Variants in PCDHA3 observed in about 807,000 individuals in gnomAD.
The protein encoded by PCDHA3 is protocadherin alpha-3.
PCDHA3 carries 41 observed loss-of-function variants against 62.2 expected under a neutral mutation model. That is an observed-to-expected ratio of 0.66 (90% CI 0.51 to 0.86). The LOEUF (loss-of-function observed/expected upper bound fraction) is 0.86, where lower values mean the gene tolerates loss of function less well. Among genes scored for constraint, PCDHA3 ranks in the 40% least tolerant of loss-of-function variants. PCDHA3 has a pLI of 0.00. For synonymous variants in PCDHA3, 640 were observed against 555.4 expected (o/e 1.15, Z -2.14); for missense variants, 1,304 against 1,241.2 (o/e 1.05, Z -0.76).
chr5:140,882,054 C>T, intron 1 of PCDHA3: 1 of 781,668 alleles, frequency 1.3e-6, no homozygotes. Context: ...CATACTTACA[C>T]TTACACGTTC....
intron 1 of PCDHA3, among the ~76,000 whole-genome samples, chr5:140,892,616 G>C (rs781995267): frequency 6.6e-6 from 1 of 151,910 alleles, no homozygotes; most frequent in Non-Finnish European, 1.5e-5. Flanking sequence ...TTTATTTCCA[G>C]TTGGTACATA....
At chr5:140,809,069 A>T in intron 1 of PCDHA3, 1 of 1,613,898 alleles carries the variant, frequency 6.2e-7, no homozygotes. Flanking sequence ...GGGGCTGTAC[A>T]CTGGCGAGAT....
In PCDHA3 at chr5:140,883,753, G is replaced by A. The variant is rs945452765; in HGVS notation, c.2394+80162G>A. 5 of 1,613,010 alleles carry A rather than the reference G, an allele frequency of 3.1e-6. No homozygotes were observed. The African/African-American group carries it at 5.3e-5, about 17-fold the overall frequency. ...ACGCGCTGGTCTCCTACTCGCTGGT[G>A]GAGCGGCGGGTGGGCGAGCGTGCGC... is the stretch of plus-strand genomic sequence containing the variant. On this transcript the variant is annotated intron_variant, in intron 1 of 3. Transcript: ENST00000522353.
intron 1 of PCDHA3, among the ~76,000 whole-genome samples, chr5:140,817,982 T>A (rs1766250865): frequency 1.3e-5 from 2 of 152,232 alleles, no homozygotes; most frequent in South Asian, 2.1e-4. Context: ...GTCTAGCTAC[T>A]TTGTATACTT....
intron 1 of PCDHA3, among the ~76,000 whole-genome samples, chr5:140,895,833 C>G (rs1325973837): frequency 2.0e-5 from 3 of 152,038 alleles, no homozygotes; most frequent in Non-Finnish European, 2.9e-5. Context: ...TTTTTTCAGA[C>G]AAAGTCTCAC....
chr5:140,868,890 G>A (rs1013785921), intron 1 of PCDHA3: 2 of 748,714 alleles, frequency 2.7e-6, no homozygotes, highest in African/African-American at 1.8e-5. Flanking sequence ...AGTTTTAGGC[G>A]CAAGGTGTCG....
In PCDHA3 at chr5:140,801,333, G is replaced by C. The variant is rs1581641335; in HGVS notation, c.136G>C (p.Gly46Arg). The change falls in exon 1 of 4, where the codon GGC (glycine) becomes CGC (arginine). Residue 46 changes from glycine to arginine, a missense_variant. Coordinates refer to ENST00000522353, the MANE Select transcript of PCDHA3 (RefSeq NM_018906.3). Reference protein sequence around the residue: ...SEEAKHGTFVGRIAQDLGLEL... With the variant: ...SEEAKHGTFVRRIAQDLGLEL... ...GGAGGCCAAGCATGGCACCTTCGTG[G>C]GCCGCATCGCGCAGGACCTGGGGCT... is the stretch of plus-strand genomic sequence containing the variant. 1.2e-6 allele frequency: 2 copies of C among 1,613,254 alleles called. No individual in the cohort carries two copies. Among genetic ancestry groups the C allele is most frequent in the East Asian group, 4.5e-5 (2 of 44,886 alleles).
chr5:140,876,228 T>G (rs1196218506), intron 1 of PCDHA3: 6 of 1,613,958 alleles, frequency 3.7e-6, no homozygotes, highest in Non-Finnish European at 5.1e-6. Flanking sequence ...TAGTGTTGTC[T>G]GAAAATGTCC....
chr5:140,890,128 G>T (rs1402157838), intron 1 of PCDHA3, among the ~76,000 whole-genome samples: 2 of 152,156 alleles, frequency 1.3e-5, no homozygotes, highest in East Asian at 3.9e-4. Context: ...CACTTTGGTA[G>T]CTTGAAATTG....
In PCDHA3 at chr5:140,884,485, A is replaced by G. The variant is rs781880810; in HGVS notation, c.2394+80894A>G. 8 of 1,613,726 alleles carry G rather than the reference A, an allele frequency of 5.0e-6. No homozygotes were observed. The South Asian group carries it at 6.6e-5, about 13-fold the overall frequency. Reference sequence around the variant, plus strand: ...CGTGCGCGCCGGGCAAGCCCACTCTAGTGTGCTCCAGCGCGGCAGGGAGTT... The same window carrying G: ...CGTGCGCGCCGGGCAAGCCCACTCTGGTGTGCTCCAGCGCGGCAGGGAGTT... On this transcript the variant is annotated intron_variant, in intron 1 of 3. Transcript: ENST00000522353.
chr5:140,987,225 A>AT (rs1451600480), intron 3 of PCDHA3, among the ~76,000 whole-genome samples: 11 of 143,044 alleles, frequency 7.7e-5, no homozygotes, highest in Non-Finnish European at 1.0e-4. Context: ...AAAAAAAAAA[A>AT]AATAATAAAT....
In PCDHA3 at chr5:140,883,501, C is replaced by A. The variant is rs570168326; in HGVS notation, c.2394+79910C>A. On this transcript the variant is annotated intron_variant, in intron 1 of 3. Transcript: ENST00000522353. ...ACTACTACTCATTAGTGCTGGACAGCGCCCTGGACCGCGAGAGCGTATCAG... is the reference window on the plus strand; with the variant it reads ...ACTACTACTCATTAGTGCTGGACAGAGCCCTGGACCGCGAGAGCGTATCAG... 3.7e-6 allele frequency: 6 copies of A among 1,614,194 alleles called. No homozygotes were observed. In the Admixed American group the frequency reaches 8.3e-5, roughly 22 times the overall value.
chr5:140,809,196 T>C, intron 1 of PCDHA3: 3 of 1,614,016 alleles, frequency 1.9e-6, no homozygotes, highest in South Asian at 2.2e-5. Context: ...GTGTCACTTG[T>C]GGAGAGTGGA....
intron 1 of PCDHA3, among the ~76,000 whole-genome samples, chr5:140,955,418 G>A: frequency 6.6e-6 from 1 of 152,140 alleles, no homozygotes; most frequent in Non-Finnish European, 1.5e-5. Flanking sequence ...ATGATAGTGA[G>A]TGAGTTCTCA....
chr5:140,875,449 A>T, intron 1 of PCDHA3: 2 of 1,590,426 alleles, frequency 1.3e-6, no homozygotes, highest in Non-Finnish European at 8.6e-7. Flanking sequence ...GATTGTCCCA[A>T]CTCAGAGGCC....
intron 1 of PCDHA3, chr5:140,828,012 A>AT (rs1259696471): frequency 2.7e-6 from 4 of 1,508,934 alleles, no homozygotes; most frequent in Non-Finnish European, 3.6e-6. Context: ...GAAGAAATGG[A>AT]TTAATAAATT....
In PCDHA3 at chr5:140,937,565, T is replaced by C. The variant is rs528061401; in HGVS notation, c.2395-41384T>C. ...CTGCGAGGCAGAGGTTGCAGTGAGC[T>C]GGGATCGCGTCACTGCACTCTAGCC... On this transcript the variant is annotated intron_variant, in intron 1 of 3. Transcript: ENST00000522353. Among the ~76,000 whole-genome samples the C allele has an allele frequency of 1.9e-3, 290 of 151,276 alleles. 1 individual carries two copies. The highest frequency in any genetic ancestry group is 6.8e-3 in the African/African-American group (279 of 40,958).
intron 1 of PCDHA3, among the ~76,000 whole-genome samples, chr5:140,895,085 C>T (rs144485224): frequency 2.0e-5 from 3 of 152,298 alleles, no homozygotes; most frequent in Non-Finnish European, 4.4e-5. Flanking sequence ...AGTTCCTCCT[C>T]AGTATAGGGG....
chr5:140,812,645 A>G (rs1765150746), intron 1 of PCDHA3: 1 of 152,074 alleles, frequency 6.6e-6, no homozygotes, highest in Non-Finnish European at 1.5e-5. Context: ...CATGTTTAAG[A>G]GACAAGATCT....
Sources: allele counts gnomAD v4.1 joint callset (sites outside exome capture counted in the v4.1 genomes callset), GRCh38; gene constraint gnomAD v4.1.1; transcripts MANE v1.5; gene names NCBI Gene and HGNC (gene_info 2026-07-23, HGNC 2026-07-21).